The following TAFA1 variants were observed in gnomAD, a reference collection of about 807,000 sequenced individuals.
The protein encoded by TAFA1 is chemokine-like protein TAFA-1.
In TAFA1, 4 loss-of-function variants were observed where a neutral mutation model predicts 18.5. The observed-to-expected ratio is 0.22, with a 90% CI of 0.11 to 0.49. TAFA1 has a LOEUF of 0.49. TAFA1 is among the 20% of genes least tolerant of loss of function. TAFA1 has a pLI of 0.98. For synonymous variants in TAFA1, 56 were observed against 55.2 expected (o/e 1.01, Z -0.06); for missense variants, 147 against 169.0 (o/e 0.87, Z 0.72).
At chr3:68,084,905 C>G (rs369474689) in intron 2 of TAFA1, among the ~76,000 whole-genome samples, 26 of 151,906 alleles carry the variant, frequency 1.7e-4, no homozygotes, top group African/African-American at 6.0e-4. Flanking sequence ...GTTCTTTGTA[C>G]TTTTGTTGCA....
At chr3:68,237,334 T>C (rs1290132470) in intron 2 of TAFA1, among the ~76,000 whole-genome samples, 4 of 152,130 alleles carry the variant, frequency 2.6e-5, no homozygotes, top group African/African-American at 9.7e-5. Context: ...CCTAATCACC[T>C]CCCCAAGGTT....
intron 2 of TAFA1, among the ~76,000 whole-genome samples, chr3:68,189,006 A>G (rs541154419): frequency 3.3e-5 from 5 of 151,814 alleles, no homozygotes; most frequent in African/African-American, 7.2e-5. Context: ...AGACTTTCCA[A>G]TTGGTGGTAC....
rs552891599 is a variant in TAFA1 at position 68,331,954 on chromosome 3, C to T, written c.119-85326C>T. 1.9e-4 allele frequency among the ~76,000 whole-genome samples: 27 copies of T among 145,596 alleles called. No individual in the cohort carries two copies. The South Asian group carries it at 4.0e-3, about 21-fold the overall frequency. ...TCTCAGCTCACTGCAAGCTCTGCCT[C>T]CCGGGTTCACGCCATTCTCCTGCCT... is the stretch of plus-strand genomic sequence containing the variant. On this transcript the variant is annotated intron_variant, in intron 2 of 4. Transcript: ENST00000478136.
At chr3:68,280,662 TA>T (rs1206632479) in intron 2 of TAFA1, among the ~76,000 whole-genome samples, 1 of 152,138 alleles carries the variant, frequency 6.6e-6, no homozygotes, top group Non-Finnish European at 1.5e-5. Flanking sequence ...AGAAAGATTT[TA>T]ATTTGAAGGA....
At chr3:68,307,544 A>T (rs942758393) in intron 2 of TAFA1, among the ~76,000 whole-genome samples, 1 of 152,160 alleles carries the variant, frequency 6.6e-6, no homozygotes, top group African/African-American at 2.4e-5. Context: ...TTTCAAACTT[A>T]CTGTATATAT....
At chr3:68,133,222 C>G (rs2065564920) in intron 2 of TAFA1, among the ~76,000 whole-genome samples, 1 of 152,046 alleles carries the variant, frequency 6.6e-6, no homozygotes, top group Admixed American at 6.6e-5. Flanking sequence ...TTCCATTGGT[C>G]TATATATCTC....
At chr3:68,404,224 C>T (rs756061306) in intron 2 of TAFA1, among the ~76,000 whole-genome samples, 1 of 152,062 alleles carries the variant, frequency 6.6e-6, no homozygotes, top group African/African-American at 2.4e-5. Context: ...AGTCAATGAC[C>T]CCAAAATTCA....
intron 3 of TAFA1, among the ~76,000 whole-genome samples, chr3:68,477,163 A>G (rs1179108304): frequency 6.6e-6 from 1 of 151,916 alleles, no homozygotes; most frequent in Non-Finnish European, 1.5e-5. Flanking sequence ...ACACAATTAT[A>G]TGTTTTATAT....
At chr3:68,485,833 G>C (rs925390340) in intron 3 of TAFA1, among the ~76,000 whole-genome samples, 2 of 152,132 alleles carry the variant, frequency 1.3e-5, no homozygotes, top group African/African-American at 4.8e-5. Context: ...CATTTAAGAG[G>C]AAAGTTTGGG....
intron 2 of TAFA1, among the ~76,000 whole-genome samples, chr3:68,372,711 C>T (rs1002182283): frequency 1.8e-4 from 27 of 152,006 alleles, no homozygotes; most frequent in African/African-American, 6.3e-4. Flanking sequence ...ACTGCAAAAA[C>T]CCACATGCAA....
chr3:68,133,165 T>G (rs929600889), intron 2 of TAFA1, among the ~76,000 whole-genome samples: 1 of 152,190 alleles, frequency 6.6e-6, no homozygotes, highest in Non-Finnish European at 1.5e-5. Context: ...TTGTCAAAGA[T>G]CAGATGGTTG....
intron 2 of TAFA1, among the ~76,000 whole-genome samples, chr3:68,403,726 TG>T (rs1472899548): frequency 4.6e-5 from 7 of 152,142 alleles, no homozygotes; most frequent in Admixed American, 6.5e-5. Flanking sequence ...AAGCTGAAAA[TG>T]TTTATTATCT....
upstream of TAFA1, among the ~76,000 whole-genome samples, chr3:68,002,065 T>C (rs1191871135): frequency 6.6e-6 from 1 of 152,176 alleles, no homozygotes; most frequent in Non-Finnish European, 1.5e-5. Flanking sequence ...AATCCTACTA[T>C]GGTCAGAAGG....
At chr3:68,079,129 T>G (rs1559511911) in intron 2 of TAFA1, among the ~76,000 whole-genome samples, 2 of 152,226 alleles carry the variant, frequency 1.3e-5, no homozygotes. Context: ...CTGATGGTAG[T>G]TTGTATTTCT....
At chr3:68,317,358 T>G (rs894334083) in intron 2 of TAFA1, among the ~76,000 whole-genome samples, 1 of 152,194 alleles carries the variant, frequency 6.6e-6, no homozygotes, top group African/African-American at 2.4e-5. Context: ...TTAGGCCATA[T>G]GTCAGCTGTA....
chr3:68,375,995 G>A (rs2069806479), intron 2 of TAFA1, among the ~76,000 whole-genome samples: 2 of 152,114 alleles, frequency 1.3e-5, no homozygotes, highest in Admixed American at 6.6e-5. Flanking sequence ...TCCTAATTAA[G>A]TGATGTTTTT....
chr3:68,477,240 T>C (rs1358903008), intron 3 of TAFA1, among the ~76,000 whole-genome samples: 2 of 152,114 alleles, frequency 1.3e-5, no homozygotes, highest in African/African-American at 2.4e-5. Context: ...TATTGTTGCA[T>C]ATAATAGTTA....
intron 2 of TAFA1, among the ~76,000 whole-genome samples, chr3:68,258,380 C>G (rs1167039395): frequency 6.6e-6 from 1 of 152,162 alleles, no homozygotes; most frequent in Non-Finnish European, 1.5e-5. Context: ...AATATATTGG[C>G]TTCAATTGGT....
intron 3 of TAFA1, among the ~76,000 whole-genome samples, chr3:68,511,582 T>C (rs1035381757): frequency 6.6e-6 from 1 of 152,086 alleles, no homozygotes; most frequent in African/African-American, 2.4e-5. Flanking sequence ...TATATCTTAC[T>C]TTAAATAACT....
Sources: gnomAD v4.1 joint callset for allele counts (sites outside exome capture counted in the v4.1 genomes callset) on GRCh38, gnomAD v4.1.1 for gene constraint, MANE v1.5 for transcripts, NCBI Gene and HGNC (gene_info 2026-07-23, HGNC 2026-07-21) for gene names.